ASTN2: variants seen among roughly 807,000 people sequenced by gnomAD.
The protein encoded by ASTN2 is astrotactin 2, also known as astrotactin-2.
In ASTN2, 54 loss-of-function variants were observed where a neutral mutation model predicts 139.8. The ratio of observed to expected loss-of-function variants is 0.39; its 90% confidence interval spans 0.31 to 0.48. The LOEUF is 0.48. Ranked by LOEUF, ASTN2 falls within the 20% of genes least tolerant of loss-of-function variation. The pLI is 0.95. For synonymous variants in ASTN2, 756 were observed against 719.5 expected, an observed-to-expected ratio of 1.05 and a Z score of -0.81; for missense variants, 1,565 against 1,725.1, an observed-to-expected ratio of 0.91 and a Z score of 1.64.
chr9:116,697,721 A>C, intron 16 of ASTN2: 1 of 1,613,466 alleles, frequency 6.2e-7, no homozygotes, highest in Non-Finnish European at 8.5e-7. Context: ...CTGTGCTAGC[A>C]ATACCCTTCA....
chr9:116,445,638 G>A (rs575771649), intron 20 of ASTN2, among the ~76,000 whole-genome samples: 2 of 152,242 alleles, frequency 1.3e-5, no homozygotes, highest in Non-Finnish European at 2.9e-5. Context: ...CATAAAAACT[G>A]GGTAGAATCC....
At chr9:116,906,937 C>T (rs951672204) in intron 10 of ASTN2, among the ~76,000 whole-genome samples, 28 of 152,152 alleles carry the variant, frequency 1.8e-4, no homozygotes, top group Non-Finnish European at 3.2e-4. Flanking sequence ...TTTTCTAGCT[C>T]ATTTCCCTGT....
At chr9:117,005,735 TTC>T (rs150957099) in intron 7 of ASTN2, among the ~76,000 whole-genome samples, 18,476 of 147,760 alleles carry the variant, frequency 0.13, 1,221 homozygotes, top group African/African-American at 0.18. Flanking sequence ...CAGTACATAC[TTC>T]TCTCTCTCTC....
At chr9:117,371,974 A>G (rs767618284) in intron 1 of ASTN2, among the ~76,000 whole-genome samples, 7 of 152,128 alleles carry the variant, frequency 4.6e-5, no homozygotes, top group Admixed American at 1.3e-4. Flanking sequence ...TTTCAGGAGC[A>G]TTCACCCGAA....
At chr9:117,134,583 C>A (rs1829907822) in intron 4 of ASTN2, among the ~76,000 whole-genome samples, 1 of 151,984 alleles carries the variant, frequency 6.6e-6, no homozygotes, top group Non-Finnish European at 1.5e-5. Context: ...TTACCCCCTG[C>A]ACAGCTTCAT....
chr9:117,276,757 C>T (rs887865769), intron 2 of ASTN2, among the ~76,000 whole-genome samples: 2 of 152,122 alleles, frequency 1.3e-5, no homozygotes, highest in East Asian at 3.9e-4. Context: ...AAAGCAAGAG[C>T]TTTGCTGCCA....
chr9:117,172,848 T>C lies in ASTN2; in HGVS notation c.1016-31370A>G, dbSNP rs531167519. On this transcript the variant is annotated intron_variant, in intron 3 of 22. Coordinates refer to ENST00000313400, the MANE Select transcript of ASTN2 (RefSeq NM_001365068.1). The stretch of plus-strand genomic sequence containing the variant: ...ACAAAAGGGAAAGTTCTGGTTTCCA[T>C]GGAGCTTTCATTAGGAATCTTTGCT... Among the ~76,000 whole-genome samples, 146 of 152,288 alleles carry C rather than the reference T, an allele frequency of 9.6e-4. 2 individuals are homozygous for C. In the South Asian group the frequency reaches 0.018, roughly 19 times the overall value.
At chr9:116,682,144 T>A (rs1411231749) in intron 16 of ASTN2, among the ~76,000 whole-genome samples, 1 of 151,846 alleles carries the variant, frequency 6.6e-6, no homozygotes, top group East Asian at 1.9e-4. Context: ...AGGGCTAATA[T>A]CCAGAATCTA....
chr9:117,362,738 C>T (rs1564166517), intron 1 of ASTN2, among the ~76,000 whole-genome samples: 1 of 152,170 alleles, frequency 6.6e-6, no homozygotes, highest in Non-Finnish European at 1.5e-5. Context: ...CATATCTGGG[C>T]AATCTGGTAG....
chr9:117,097,989 T>C (rs920110043), intron 4 of ASTN2, among the ~76,000 whole-genome samples: 3 of 152,100 alleles, frequency 2.0e-5, no homozygotes, highest in African/African-American at 7.2e-5. Flanking sequence ...ACAAACTAGA[T>C]AATAAAGCAA....
intron 1 of ASTN2, among the ~76,000 whole-genome samples, chr9:117,387,661 G>A (rs548550974): frequency 7.5e-4 from 114 of 152,264 alleles, no homozygotes; most frequent in African/African-American, 2.5e-3. Flanking sequence ...ATACGAGGCT[G>A]GAGATAAAAA....
chr9:116,658,356 C>G (rs780521610), intron 16 of ASTN2, among the ~76,000 whole-genome samples: 3 of 152,050 alleles, frequency 2.0e-5, no homozygotes, highest in Non-Finnish European at 4.4e-5. Context: ...GCCCAAACCC[C>G]CAGAGGTTGC....
chr9:117,102,126 A>C (rs1481657231), intron 4 of ASTN2, among the ~76,000 whole-genome samples: 1 of 152,200 alleles, frequency 6.6e-6, no homozygotes. Flanking sequence ...AAAGGGTACA[A>C]ACGACCCAAA....
chr9:117,108,962 C>T (rs1019363837), intron 4 of ASTN2, among the ~76,000 whole-genome samples: 3 of 152,158 alleles, frequency 2.0e-5, no homozygotes, highest in Non-Finnish European at 4.4e-5. Context: ...TTCAATAGTG[C>T]TTCACCATTT....
chr9:116,517,731 A>C (rs1587924758), intron 19 of ASTN2, among the ~76,000 whole-genome samples: 1 of 152,350 alleles, frequency 6.6e-6, no homozygotes, highest in African/African-American at 2.4e-5. Flanking sequence ...AGAAAGGTGA[A>C]GTCCAACTTG....
chr9:116,712,468 T>C (rs776879508), intron 16 of ASTN2, among the ~76,000 whole-genome samples: 4 of 152,198 alleles, frequency 2.6e-5, no homozygotes, highest in South Asian at 2.1e-4. Flanking sequence ...ACCTGAAACA[T>C]AGTAGGCACT....
intron 1 of ASTN2, among the ~76,000 whole-genome samples, chr9:117,328,568 C>G (rs767983640): frequency 1.3e-5 from 2 of 152,196 alleles, no homozygotes; most frequent in East Asian, 3.9e-4. Flanking sequence ...ATGCTATATG[C>G]GGTGGAAAAG....
chr9:117,271,695 G>T (rs1185628423), intron 2 of ASTN2, among the ~76,000 whole-genome samples: 3 of 152,160 alleles, frequency 2.0e-5, no homozygotes, highest in African/African-American at 7.2e-5. Context: ...CCAAAACAAA[G>T]AAGTTACAGG....
At chr9:116,707,593 G>A (rs1221403773) in intron 16 of ASTN2, among the ~76,000 whole-genome samples, 1 of 152,048 alleles carries the variant, frequency 6.6e-6, no homozygotes, top group African/African-American at 2.4e-5. Context: ...GATACTGGGG[G>A]AAAGAAACAA....
Sources: gnomAD v4.1 joint callset for allele counts (sites outside exome capture counted in the v4.1 genomes callset) on GRCh38, gnomAD v4.1.1 for gene constraint, MANE v1.5 for transcripts, NCBI Gene and HGNC (gene_info 2026-07-23, HGNC 2026-07-21) for gene names.